Variants in EYS observed in about 807,000 individuals in gnomAD.
EYS encodes the protein protein eyes shut homolog.
EYS carries 250 observed loss-of-function variants against 282.1 expected under a neutral mutation model. The observed-to-expected ratio is 0.89, with a 90% CI of 0.80 to 0.98. EYS has a LOEUF of 0.98. EYS is among the 50% of genes least tolerant of loss of function. EYS has a pLI of 0.00. For synonymous variants in EYS, 1,355 were observed against 1,282.9 expected, an observed-to-expected ratio of 1.06 and a Z score of -1.20; for missense variants, 4,016 against 3,709.0, an observed-to-expected ratio of 1.08 and a Z score of -2.15.
At chr6:65,267,009 G>GAGAGA (rs1767775709) in intron 12 of EYS, among the ~76,000 whole-genome samples, 1 of 149,724 alleles carries the variant, frequency 6.7e-6, no homozygotes, top group Non-Finnish European at 1.5e-5. Context: ...GAGAGAGAGA[G>GAGAGA]ATCACACATG....
intron 2 of EYS, among the ~76,000 whole-genome samples, chr6:65,636,113 C>T (rs541978110): frequency 6.6e-6 from 1 of 152,338 alleles, no homozygotes; most frequent in South Asian, 2.1e-4. Context: ...TATCCTTCTA[C>T]TCTTGTCTTA....
intron 5 of EYS, among the ~76,000 whole-genome samples, chr6:65,432,446 T>C (rs1767921132): frequency 6.6e-6 from 1 of 152,062 alleles, no homozygotes; most frequent in Non-Finnish European, 1.5e-5. Flanking sequence ...TGCAGACGAG[T>C]ATTACGAAAA....
chr6:64,046,545 TC>T (rs1353496741), intron 33 of EYS, among the ~76,000 whole-genome samples: 3 of 140,404 alleles, frequency 2.1e-5, no homozygotes, highest in Non-Finnish European at 4.9e-5. Flanking sequence ...CAAGCTTTAT[TC>T]TTTTTTTTTT....
At chr6:64,200,195 T>C (rs898200319) in intron 31 of EYS, among the ~76,000 whole-genome samples, 15 of 152,090 alleles carry the variant, frequency 9.9e-5, no homozygotes, top group Non-Finnish European at 1.8e-4. Context: ...AAGATTTGAA[T>C]AGGTAAAGCA....
chr6:64,576,757 C>A (rs1765893661), intron 26 of EYS, among the ~76,000 whole-genome samples: 1 of 151,872 alleles, frequency 6.6e-6, no homozygotes, highest in Non-Finnish European at 1.5e-5. Flanking sequence ...GATGTATCAG[C>A]CTTGTGCTTA....
intron 31 of EYS, among the ~76,000 whole-genome samples, chr6:64,092,793 A>G (rs1772419672): frequency 1.3e-5 from 2 of 151,346 alleles, no homozygotes; most frequent in Non-Finnish European, 2.9e-5. Flanking sequence ...TTTTGTTGCC[A>G]TTGCTTCTGG....
chr6:64,336,565 A>G (rs1007623066), intron 29 of EYS, among the ~76,000 whole-genome samples: 1 of 152,168 alleles, frequency 6.6e-6, no homozygotes, highest in Non-Finnish European at 1.5e-5. Flanking sequence ...TAGACAGGTC[A>G]TCAAGACAGA....
At chr6:64,133,423 T>C (rs1334105901) in intron 31 of EYS, among the ~76,000 whole-genome samples, 1 of 151,352 alleles carries the variant, frequency 6.6e-6, no homozygotes, top group Non-Finnish European at 1.5e-5. Flanking sequence ...AAGCTTGGCA[T>C]TATCTGTGGG....
intron 13 of EYS, among the ~76,000 whole-genome samples, chr6:65,029,722 C>T (rs897781569): frequency 3.3e-5 from 5 of 152,270 alleles, no homozygotes; most frequent in African/African-American, 1.2e-4. Flanking sequence ...ATAGGAAGAG[C>T]ATCTCCCAGC....
chr6:65,671,159 G>A (rs752744577), intron 1 of EYS, among the ~76,000 whole-genome samples: 1 of 152,016 alleles, frequency 6.6e-6, no homozygotes, highest in Non-Finnish European at 1.5e-5. Flanking sequence ...GGACATCTGT[G>A]AAGATAACAA....
At chr6:65,414,563 G>T (rs1032433454) in intron 5 of EYS, among the ~76,000 whole-genome samples, 2 of 151,942 alleles carry the variant, frequency 1.3e-5, no homozygotes, top group Non-Finnish European at 2.9e-5. Context: ...GAAGGAAAAG[G>T]AAAAGGAAGA....
At chr6:65,617,199 GA>G (rs202237699) in intron 2 of EYS, among the ~76,000 whole-genome samples, 4 of 151,826 alleles carry the variant, frequency 2.6e-5, no homozygotes, top group South Asian at 4.1e-4. Context: ...TTGACCTGGA[GA>G]AAAAAAATAT....
chr6:64,113,497 AC>A (rs1037492189), intron 31 of EYS, among the ~76,000 whole-genome samples: 1 of 152,164 alleles, frequency 6.6e-6, no homozygotes, highest in Non-Finnish European at 1.5e-5. Flanking sequence ...TACAGTATTT[AC>A]TCCGTAAATA....
At chr6:65,600,453 T>C (rs1045144034) in intron 2 of EYS, among the ~76,000 whole-genome samples, 2 of 152,066 alleles carry the variant, frequency 1.3e-5, no homozygotes, top group African/African-American at 4.8e-5. Flanking sequence ...TATATAATCC[T>C]AAATTAAATG....
At chr6:64,362,169 A>G (rs1210083146) in intron 29 of EYS, among the ~76,000 whole-genome samples, 1 of 151,812 alleles carries the variant, frequency 6.6e-6, no homozygotes, top group East Asian at 1.9e-4. Flanking sequence ...CTTCAACATC[A>G]ACTACTTGCC....
chr6:64,032,878 C>G (rs566315001), intron 33 of EYS, among the ~76,000 whole-genome samples: 3 of 152,330 alleles, frequency 2.0e-5, no homozygotes. Flanking sequence ...ATTCTCTGAA[C>G]TGCATTGTTT....
rs189780687 is a variant in EYS at position 65,322,668 on chromosome 6, G to A, written c.1766+12312C>T. Among the ~76,000 whole-genome samples, 457 of 151,956 alleles carry A rather than the reference G, an allele frequency of 3.0e-3. 1 individual carries two copies. Among genetic ancestry groups the A allele is most frequent in the Non-Finnish European group, 3.9e-3 (268 of 67,966 alleles). ...AACTTAGCTGGGCCTGGGGGCGCGC[G>A]CCTGTAGTCCCAGCTACTCAGGAGG... is the stretch of plus-strand genomic sequence containing the variant. On this transcript the variant is annotated intron_variant, in intron 11 of 42. Transcript: ENST00000503581.
intron 22 of EYS, among the ~76,000 whole-genome samples, chr6:64,647,886 G>A (rs1768411658): frequency 6.6e-6 from 1 of 151,502 alleles, no homozygotes; most frequent in South Asian, 2.1e-4. Flanking sequence ...GAATGCATGA[G>A]TGCCTTCATG....
At chr6:64,935,138 C>T (rs1768864764) in intron 15 of EYS, among the ~76,000 whole-genome samples, 1 of 151,488 alleles carries the variant, frequency 6.6e-6, no homozygotes, top group African/African-American at 2.4e-5. Context: ...TAAAAATTTT[C>T]TAAATAATAC....
Sources: gnomAD v4.1 joint callset for allele counts (sites outside exome capture counted in the v4.1 genomes callset) on GRCh38, gnomAD v4.1.1 for gene constraint, MANE v1.5 for transcripts, NCBI Gene and HGNC (gene_info 2026-07-23, HGNC 2026-07-21) for gene names.